The following ST6GALNAC3 variants were observed in gnomAD, a reference collection of about 807,000 sequenced individuals.
ST6GALNAC3 encodes the protein ST6 N-acetylgalactosaminide alpha-2,6-sialyltransferase 3.
In ST6GALNAC3, 25 loss-of-function variants were observed where a neutral mutation model predicts 32.7. The ratio of observed to expected loss-of-function variants is 0.76; its 90% confidence interval spans 0.56 to 1.07. The LOEUF is 1.07. Ranked by LOEUF, ST6GALNAC3 falls within the 50% of genes least tolerant of loss-of-function variation. The pLI is 0.00. For missense variants in ST6GALNAC3, 355 were observed against 382.4 expected, an observed-to-expected ratio of 0.93 and a Z score of 0.60; for synonymous variants, 129 against 133.1, an observed-to-expected ratio of 0.97 and a Z score of 0.21.
At chr1:76,420,949 T>C (rs1307009756) in intron 3 of ST6GALNAC3, among the ~76,000 whole-genome samples, 1 of 152,058 alleles carries the variant, frequency 6.6e-6, no homozygotes, top group Non-Finnish European at 1.5e-5. Flanking sequence ...CTTTCTACCA[T>C]GCGTTATTGT....
At chr1:76,263,976 C>T (rs760480523) in intron 1 of ST6GALNAC3, among the ~76,000 whole-genome samples, 3 of 152,232 alleles carry the variant, frequency 2.0e-5, no homozygotes, top group Non-Finnish European at 1.5e-5. Flanking sequence ...CGGCTGTAAT[C>T]AGGGAAGTTG....
At chr1:76,083,398 T>C (rs1039803179) in intron 1 of ST6GALNAC3, among the ~76,000 whole-genome samples, 1 of 152,248 alleles carries the variant, frequency 6.6e-6, no homozygotes, top group African/African-American at 2.4e-5. Context: ...TGAAAGTCTC[T>C]CTTTGTGAAG....
intron 1 of ST6GALNAC3, among the ~76,000 whole-genome samples, chr1:76,225,746 A>C (rs1656029674): frequency 6.6e-6 from 1 of 152,184 alleles, no homozygotes; most frequent in South Asian, 2.1e-4. Flanking sequence ...TGCACAATAG[A>C]GATGAAATGA....
intron 3 of ST6GALNAC3, among the ~76,000 whole-genome samples, chr1:76,610,298 C>T (rs1051239161): frequency 3.9e-5 from 6 of 152,176 alleles, no homozygotes; most frequent in African/African-American, 1.4e-4. Flanking sequence ...CTTCAAATGT[C>T]TTCATTTTTC....
At chr1:76,298,865 CAT>C (rs1660563483) in intron 1 of ST6GALNAC3, among the ~76,000 whole-genome samples, 1 of 152,048 alleles carries the variant, frequency 6.6e-6, no homozygotes, top group South Asian at 2.1e-4. Flanking sequence ...TCACAATCCA[CAT>C]ATAGGAAATA....
At chr1:76,272,324 GAAAAAAAA>G (rs55839101) in intron 1 of ST6GALNAC3, among the ~76,000 whole-genome samples, 1 of 112,064 alleles carries the variant, frequency 8.9e-6, no homozygotes, top group African/African-American at 3.7e-5. Flanking sequence ...CTCAGTCTCG[GAAAAAAAA>G]AAAAAAAAAA....
intron 1 of ST6GALNAC3, among the ~76,000 whole-genome samples, chr1:76,090,125 A>T (rs1647024673): frequency 6.6e-6 from 1 of 152,190 alleles, no homozygotes; most frequent in African/African-American, 2.4e-5. Flanking sequence ...CTGACCCAAA[A>T]TACCTTGCTT....
chr1:76,314,599 C>T (rs1329116397), intron 2 of ST6GALNAC3, among the ~76,000 whole-genome samples: 1 of 152,130 alleles, frequency 6.6e-6, no homozygotes, highest in Non-Finnish European at 1.5e-5. Flanking sequence ...ATATTGACAA[C>T]TAGAAAGTGC....
At chr1:76,575,679 C>T (rs554887282) in intron 3 of ST6GALNAC3, among the ~76,000 whole-genome samples, 8 of 152,072 alleles carry the variant, frequency 5.3e-5, no homozygotes, top group South Asian at 4.1e-4. Context: ...GAAGGAAATC[C>T]GTAGGGAAAA....
At chr1:76,410,728 G>A (rs758777176) in intron 2 of ST6GALNAC3, among the ~76,000 whole-genome samples, 1 of 152,104 alleles carries the variant, frequency 6.6e-6, no homozygotes, top group Non-Finnish European at 1.5e-5. Context: ...GTTGTATGAT[G>A]ACTAACTGGT....
chr1:76,166,462 A>G (rs1652132849), intron 1 of ST6GALNAC3, among the ~76,000 whole-genome samples: 1 of 152,056 alleles, frequency 6.6e-6, no homozygotes, highest in Non-Finnish European at 1.5e-5. Flanking sequence ...ATTTTGCTTA[A>G]GATTGCCTTG....
intron 3 of ST6GALNAC3, among the ~76,000 whole-genome samples, chr1:76,501,399 T>G (rs1472006706): frequency 6.6e-6 from 1 of 152,232 alleles, no homozygotes; most frequent in Non-Finnish European, 1.5e-5. Context: ...CTTATCCTCC[T>G]AGTTGCACAA....
rs34437349 is a variant in ST6GALNAC3, at chr1:76,405,609, T to TTG, written c.214-6382_214-6381dup. On this transcript the variant is annotated intron_variant, in intron 2 of 4. Transcript: ENST00000328299. ...CAGATGTGTGTGTGTGTGTGTGTAT[T>TTG]TGTGTGTGTGTGTGTGTGGTGTGAA... Among the ~76,000 whole-genome samples the TTG allele has an allele frequency of 5.5e-4, 82 of 149,846 alleles. 1 individual carries two copies. Among genetic ancestry groups the TTG allele is most frequent in the Admixed American group, 3.1e-3 (46 of 14,942 alleles).
intron 3 of ST6GALNAC3, among the ~76,000 whole-genome samples, chr1:76,472,780 A>G (rs541067408): frequency 6.6e-6 from 1 of 152,258 alleles, no homozygotes; most frequent in African/African-American, 2.4e-5. Context: ...GAAGACAGCA[A>G]GTTGAGACTA....
chr1:76,237,426 T>C (rs1656720516), intron 1 of ST6GALNAC3, among the ~76,000 whole-genome samples: 2 of 152,176 alleles, frequency 1.3e-5, no homozygotes, highest in South Asian at 4.1e-4. Context: ...GGTGTGGAAT[T>C]CTTTAATGCA....
intron 1 of ST6GALNAC3, among the ~76,000 whole-genome samples, chr1:76,193,199 G>A (rs68053488): frequency 0.084 from 12,778 of 152,120 alleles, 593 homozygotes; most frequent in African/African-American, 0.12. Context: ...CTTTTTAGGA[G>A]TCTAGATCCC....
chr1:76,460,335 C>A (rs146890543), intron 3 of ST6GALNAC3, among the ~76,000 whole-genome samples: 4 of 151,752 alleles, frequency 2.6e-5, no homozygotes, highest in Admixed American at 6.6e-5. Flanking sequence ...GTCTTTGTGC[C>A]GTGGTGTTTC....
intron 1 of ST6GALNAC3, 103 bp from the exon 2 acceptor site, chr1:76,313,702 G>A (rs780776459): frequency 3.4e-5 from 40 of 1,174,354 alleles, no homozygotes; most frequent in Non-Finnish European, 4.5e-5. Context: ...AGAATCCTTC[G>A]ACCCCTATGA....
intron 1 of ST6GALNAC3, among the ~76,000 whole-genome samples, chr1:76,205,422 G>A (rs1410311612): frequency 1.3e-5 from 2 of 152,034 alleles, no homozygotes; most frequent in African/African-American, 4.8e-5. Flanking sequence ...TGACACACAG[G>A]TCAGCCCTGA....
Sources: allele counts gnomAD v4.1 joint callset (sites outside exome capture counted in the v4.1 genomes callset), GRCh38; gene constraint gnomAD v4.1.1; transcripts MANE v1.5; gene names NCBI Gene and HGNC (gene_info 2026-07-23, HGNC 2026-07-21).